ZMYND8: variants seen among roughly 807,000 people sequenced by gnomAD.
ZMYND8 encodes MYND-type zinc finger-containing chromatin reader ZMYND8.
ZMYND8 carries 37 observed loss-of-function variants against 140.8 expected under a neutral mutation model. The ratio of observed to expected loss-of-function variants is 0.26; its 90% CI spans 0.20 to 0.35. The LOEUF is 0.35. ZMYND8 is among the 10% of genes least tolerant of loss of function. The pLI is 1.00. For synonymous variants in ZMYND8, 592 were observed against 597.1 expected, an observed-to-expected ratio of 0.99 and a Z score of 0.12; for missense variants, 1,068 against 1,570.0, an observed-to-expected ratio of 0.68 and a Z score of 5.40.
chr20:47,308,459 G>A (rs1442470257), intron 3 of ZMYND8, among the ~76,000 whole-genome samples: 2 of 152,074 alleles, frequency 1.3e-5, no homozygotes, highest in African/African-American at 2.4e-5. Flanking sequence ...GACCTCAGGC[G>A]ATCCGTTTGC....
At chr20:47,346,888 A>C (rs937471533) in intron 2 of ZMYND8, among the ~76,000 whole-genome samples, 1 of 152,220 alleles carries the variant, frequency 6.6e-6, no homozygotes, top group Non-Finnish European at 1.5e-5. Context: ...TACAGGCATG[A>C]GCCACCACGC....
At chr20:47,279,743 T>C (rs539064823) in intron 10 of ZMYND8, among the ~76,000 whole-genome samples, 1 of 146,380 alleles carries the variant, frequency 6.8e-6, no homozygotes. Flanking sequence ...TAAAAGGCAA[T>C]TGGTTGGTGT....
intron 10 of ZMYND8, among the ~76,000 whole-genome samples, chr20:47,281,859 A>G (rs943169139): frequency 6.6e-6 from 1 of 152,214 alleles, no homozygotes; most frequent in African/African-American, 2.4e-5. Flanking sequence ...ACCCATTCCA[A>G]TGTTGGTTTC....
chr20:47,229,719 C>A lies in ZMYND8; in HGVS notation c.2937+7G>T. On this transcript the variant is annotated splice_region_variant and intron_variant, in intron 17 of 22. Transcript: ENST00000471951. ...AGCAAATAAGAAATTCATGTGTCAT[C>A]TCTGACCTCAGCTATTGTGCTTCCA... 1.2e-6 allele frequency: 2 copies of A among 1,612,388 alleles called. No individual in the cohort carries two copies. The highest frequency in any genetic ancestry group is 1.7e-6 in the Non-Finnish European group (2 of 1,178,806).
At chr20:47,355,631 G>T in intron 1 of ZMYND8, 2 of 374,174 alleles carry the variant, frequency 5.3e-6, no homozygotes, top group Non-Finnish European at 7.4e-6. Flanking sequence ...ATGAGCCACA[G>T]ACATGATTTT....
intron 3 of ZMYND8, among the ~76,000 whole-genome samples, chr20:47,307,700 C>T (rs751822386): frequency 5.3e-5 from 8 of 151,838 alleles, no homozygotes; most frequent in South Asian, 2.1e-4. Flanking sequence ...TGGTGGCAGG[C>T]GCCTGTAATT....
intron 21 of ZMYND8, among the ~76,000 whole-genome samples, chr20:47,214,753 T>TCAAGGTGTTGGGATTATAGGCATGAGC (rs1253306408): frequency 6.6e-6 from 1 of 152,122 alleles, no homozygotes; most frequent in African/African-American, 2.4e-5. Context: ...CCTTGGCCTC[T>TCAAGGTGTTGGGATTATAGGCATGAGC]CAAGGTGTTG....
chr20:47,345,409 G>A (rs979356111), intron 2 of ZMYND8, among the ~76,000 whole-genome samples: 5 of 151,996 alleles, frequency 3.3e-5, no homozygotes, highest in African/African-American at 1.2e-4. Flanking sequence ...AAACAGGGCC[G>A]GCCCAGGTAG....
At position 47,234,018 on chromosome 20, in the gene ZMYND8, T is replaced by A. The variant is rs538960517; in HGVS notation, c.2856+2308A>T. 6.8e-3 allele frequency among the ~76,000 whole-genome samples: 1,032 copies of A among 152,330 alleles called. 12 individuals carry two copies. Among genetic ancestry groups the A allele is most frequent in the African/African-American group, 0.024 (994 of 41,586 alleles). Reference sequence around the variant, plus strand: ...GTGTCACTTCTGTGACTGGCCTAAGTAAGCCTGTCACTTCCATCTTGCCAG... The same window carrying A: ...GTGTCACTTCTGTGACTGGCCTAAGAAAGCCTGTCACTTCCATCTTGCCAG... On this transcript the variant is annotated intron_variant, in intron 16 of 22. Coordinates refer to ENST00000471951, the MANE Select transcript of ZMYND8 (RefSeq NM_001281775.3).
intron 17 of ZMYND8, among the ~76,000 whole-genome samples, chr20:47,227,685 ATC>A (rs2037892609): frequency 6.6e-6 from 1 of 152,242 alleles, no homozygotes; most frequent in Non-Finnish European, 1.5e-5. Flanking sequence ...AAAGCCTGAC[ATC>A]TCTGAAAACC....
At chr20:47,246,614 G>T in intron 13 of ZMYND8, 97 bp from the exon 14 acceptor site, 1 of 1,471,412 alleles carries the variant, frequency 6.8e-7, no homozygotes, top group Non-Finnish European at 9.0e-7. Context: ...GCTGGAATAA[G>T]AAAAGCACGT....
chr20:47,215,728 T>C (rs192228500), intron 21 of ZMYND8, among the ~76,000 whole-genome samples: 148 of 152,162 alleles, frequency 9.7e-4, no homozygotes, highest in Non-Finnish European at 1.9e-3. Context: ...ACAGGACAGG[T>C]CTTAAGCTAT....
intron 2 of ZMYND8, among the ~76,000 whole-genome samples, chr20:47,335,009 G>A (rs1220676944): frequency 6.6e-6 from 1 of 151,774 alleles, no homozygotes; most frequent in Non-Finnish European, 1.5e-5. Context: ...ACTTTGGGAG[G>A]CCAAGACAGG....
At chr20:47,299,032 C>T in intron 3 of ZMYND8, 85 bp from the exon 4 acceptor site, 1 of 1,302,498 alleles carries the variant, frequency 7.7e-7, no homozygotes, top group African/African-American at 1.5e-5. Flanking sequence ...TCAATAACAA[C>T]AAAAGAAAAT....
chr20:47,317,719 C>T (rs973942896), intron 2 of ZMYND8, among the ~76,000 whole-genome samples: 2 of 152,150 alleles, frequency 1.3e-5, no homozygotes, highest in Non-Finnish European at 2.9e-5. Context: ...AAGGCATATG[C>T]TCTCATGGGC....
chr20:47,345,506 C>CTTT (rs528404084), intron 2 of ZMYND8, among the ~76,000 whole-genome samples: 2 of 137,454 alleles, frequency 1.5e-5, no homozygotes, highest in East Asian at 2.1e-4. Flanking sequence ...ACCTGACCCA[C>CTTT]TTTTTTTTTT....
intron 17 of ZMYND8, 56 bp downstream of exon 17, chr20:47,229,670 T>TA: frequency 6.4e-7 from 1 of 1,561,690 alleles, no homozygotes; most frequent in South Asian, 1.1e-5. Flanking sequence ...GTACCACCTT[T>TA]AAAGCAGCCC....
At chr20:47,356,598 C>G (rs2083259623) in intron 1 of ZMYND8, 59 bp downstream of exon 1, 1 of 1,613,830 alleles carries the variant, frequency 6.2e-7, no homozygotes, top group Admixed American at 1.7e-5. Flanking sequence ...CACTGCTCGC[C>G]CACAATTCGG....
intron 10 of ZMYND8, among the ~76,000 whole-genome samples, chr20:47,278,994 G>A (rs1398644302): frequency 6.6e-6 from 1 of 151,524 alleles, no homozygotes; most frequent in African/African-American, 2.4e-5. Flanking sequence ...GAATCAAGAG[G>A]CAGGGCCACC....
Sources: allele counts gnomAD v4.1 joint callset (sites outside exome capture counted in the v4.1 genomes callset), GRCh38; gene constraint gnomAD v4.1.1; transcripts MANE v1.5; gene names NCBI Gene and HGNC (gene_info 2026-07-23, HGNC 2026-07-21).